Variants in ATP1B3 observed in about 807,000 individuals in gnomAD.
ATP1B3 encodes the protein sodium/potassium-transporting ATPase subunit beta-3.
A neutral mutation model predicts 30.2 loss-of-function variants in ATP1B3; 10 were observed. The ratio of observed to expected loss-of-function variants is 0.33; its 90% CI spans 0.20 to 0.56. The LOEUF is 0.56. ATP1B3 is among the 20% of genes least tolerant of loss of function. The probability of loss-of-function intolerance (pLI) is 0.90; values close to 1 mark genes in which losing one functional copy is unlikely to be tolerated. For missense variants in ATP1B3, 238 were observed against 336.7 expected (o/e 0.71, Z 2.29); for synonymous variants, 113 against 117.0 (o/e 0.97, Z 0.22).
intron 3 of ATP1B3, among the ~76,000 whole-genome samples, chr3:141,912,424 A>C (rs2107776365): frequency 6.6e-6 from 1 of 152,030 alleles, no homozygotes; most frequent in East Asian, 1.9e-4. Context: ...GCACCCAGCT[A>C]ATTTTTTTGT....
chr3:141,910,782 C>CG (rs1167560088), intron 3 of ATP1B3, among the ~76,000 whole-genome samples: 1 of 147,700 alleles, frequency 6.8e-6, no homozygotes, highest in Non-Finnish European at 1.5e-5. Flanking sequence ...CCTGCCCCCC[C>CG]CTTTTTTTTA....
intron 1 of ATP1B3, among the ~76,000 whole-genome samples, chr3:141,879,032 C>T (rs537330449): frequency 6.6e-6 from 1 of 152,230 alleles, no homozygotes; most frequent in East Asian, 1.9e-4. Context: ...GATATGTCTG[C>T]CAGGAAGGAT....
chr3:141,885,880 AAC>A (rs146684460), intron 1 of ATP1B3, among the ~76,000 whole-genome samples: 31,777 of 141,414 alleles, frequency 0.22, 3,336 homozygotes, highest in Middle Eastern at 0.29. Context: ...GCTGCGTTAA[AAC>A]ACACACACAC....
At chr3:141,914,397 T>C (rs1934419274) in intron 4 of ATP1B3, among the ~76,000 whole-genome samples, 1 of 152,238 alleles carries the variant, frequency 6.6e-6, no homozygotes, top group Non-Finnish European at 1.5e-5. Flanking sequence ...TTTGCTGTTT[T>C]ACAGAAGGGT....
chr3:141,889,912 T>G (rs1006129823), intron 1 of ATP1B3, among the ~76,000 whole-genome samples: 1 of 150,828 alleles, frequency 6.6e-6, no homozygotes, highest in Non-Finnish European at 1.5e-5. Context: ...CCTTTTCTCC[T>G]CAAGCACTGG....
At chr3:141,923,809 A>AT (rs998792715) in intron 6 of ATP1B3, among the ~76,000 whole-genome samples, 4 of 152,076 alleles carry the variant, frequency 2.6e-5, no homozygotes, top group African/African-American at 9.7e-5. Flanking sequence ...TTTATGGCTT[A>AT]TTTTATGTTC....
intron 1 of ATP1B3, among the ~76,000 whole-genome samples, chr3:141,891,057 A>G (rs997762047): frequency 1.1e-4 from 17 of 152,140 alleles, no homozygotes; most frequent in Non-Finnish European, 1.6e-4. Flanking sequence ...ACAGTCTTCT[A>G]TGTTCTTTTC....
intron 3 of ATP1B3, among the ~76,000 whole-genome samples, chr3:141,912,995 A>G (rs957655311): frequency 1.3e-5 from 2 of 152,128 alleles, no homozygotes; most frequent in Non-Finnish European, 2.9e-5. Context: ...TTTCCTAAGT[A>G]TGTTCATACT....
At chr3:141,902,043 T>A in intron 1 of ATP1B3, 1 of 959,258 alleles carries the variant, frequency 1.0e-6, no homozygotes, top group Non-Finnish European at 1.5e-6. Context: ...CTGTATCTTA[T>A]TAAACTGGCC....
chr3:141,921,990 C>A lies in ATP1B3; in HGVS notation c.596C>A (p.Pro199Gln). 1 of 1,525,928 alleles carries A rather than the reference C, an allele frequency of 6.6e-7. No homozygotes were observed. The highest frequency in any genetic ancestry group is 8.9e-7 in the Non-Finnish European group (1 of 1,125,714). 94.5% of individuals were successfully genotyped at this position (1,525,928 alleles called of 1,614,324 possible). ...IDCVSKNEDI[P>Q]NVAVYPHNGM... is the part of the protein sequence containing the mutation. ...TTTCAACTTCAGAATGAAGATATACCAAATGTAGCAGTTTATCCTCATAAT... is the reference window on the plus strand; with the variant it reads ...TTTCAACTTCAGAATGAAGATATACAAAATGTAGCAGTTTATCCTCATAAT... Residue 199 changes from proline (P) to glutamine (Q), a missense_variant, in exon 6 of 7, where the codon CCA becomes CAA. By Grantham distance (76) the Pro-to-Gln change is moderately conservative. This residue lies in a region of ATP1B3 where 58 missense variants were observed against 125.6 expected (regional missense o/e 0.46). Transcript: ENST00000286371.
intron 4 of ATP1B3, among the ~76,000 whole-genome samples, 191 bp downstream of exon 4, chr3:141,914,027 G>A (rs1054251031): frequency 6.6e-6 from 1 of 151,552 alleles, no homozygotes; most frequent in African/African-American, 2.4e-5. Flanking sequence ...GCAAAAAAAA[G>A]AGGTTCATAG....
chr3:141,878,400 T>C (rs534790169), intron 1 of ATP1B3, among the ~76,000 whole-genome samples: 1 of 152,362 alleles, frequency 6.6e-6, no homozygotes, highest in South Asian at 2.1e-4. Context: ...TAAAGCTTAA[T>C]TGCTTGTTTC....
Position 141,916,254 on chromosome 3 carries a change from G to A in ATP1B3, c.582+234G>A, listed in dbSNP as rs559111854. On this transcript the variant is annotated intron_variant, in intron 5 of 6. Transcript: ENST00000286371. ...CATTGCCTTTATTTTCACATATACCGTATTTCATCAATTCTAAGATTCACT... is the reference window on the plus strand; with the variant it reads ...CATTGCCTTTATTTTCACATATACCATATTTCATCAATTCTAAGATTCACT... 3.8e-4 allele frequency: 200 copies of A among 525,518 alleles called. 2 individuals are homozygous for A. Among genetic ancestry groups the A allele is most frequent in the South Asian group, 2.6e-3 (155 of 59,120 alleles). 32.6% of individuals were successfully genotyped at this position (525,518 alleles called of 1,614,324 possible).
At chr3:141,921,950 G>C in intron 5 of ATP1B3, 27 bp from the exon 6 acceptor site, 1 of 1,307,124 alleles carries the variant, frequency 7.7e-7, no homozygotes, top group African/African-American at 1.5e-5. Flanking sequence ...GTGACCTAAA[G>C]AGGATTTCTT....
intron 1 of ATP1B3, among the ~76,000 whole-genome samples, chr3:141,882,457 G>A (rs973456222): frequency 6.6e-6 from 1 of 152,076 alleles, no homozygotes; most frequent in East Asian, 1.9e-4. Flanking sequence ...TGATGTGCTG[G>A]AGGTGTCCTT....
At chr3:141,895,086 T>C (rs368242098) in intron 1 of ATP1B3, among the ~76,000 whole-genome samples, 21 of 152,152 alleles carry the variant, frequency 1.4e-4, no homozygotes, top group African/African-American at 4.8e-4. Flanking sequence ...TTACGTGGTG[T>C]ATGTCTGTAT....
At chr3:141,924,031 CAT>C (rs1248885405) in intron 6 of ATP1B3, among the ~76,000 whole-genome samples, 1 of 152,214 alleles carries the variant, frequency 6.6e-6, no homozygotes, top group Admixed American at 6.5e-5. Flanking sequence ...CAATAAGTAT[CAT>C]GTGGGGAGAA....
At chr3:141,886,643 T>G (rs1215682789) in intron 1 of ATP1B3, among the ~76,000 whole-genome samples, 1 of 152,220 alleles carries the variant, frequency 6.6e-6, no homozygotes, top group African/African-American at 2.4e-5. Context: ...TAAATTCTAG[T>G]TCCACATCTC....
At chr3:141,924,082 G>A (rs866462223) in intron 6 of ATP1B3, among the ~76,000 whole-genome samples, 2 of 152,168 alleles carry the variant, frequency 1.3e-5, no homozygotes, top group Non-Finnish European at 2.9e-5. Flanking sequence ...GGTGGCTCAC[G>A]CCTGTAATCC....
Sources: gnomAD v4.1 joint callset for allele counts (sites outside exome capture counted in the v4.1 genomes callset) on GRCh38, gnomAD v4.1.1 for gene constraint, gnomAD v4.1.1 regional missense constraint, MANE v1.5 for transcripts, NCBI Gene and HGNC (gene_info 2026-07-23, HGNC 2026-07-21) for gene names.